The following ASIC2 variants were observed in gnomAD, a reference collection of about 807,000 sequenced individuals.
ASIC2 encodes the protein acid-sensing ion channel 2.
ASIC2 carries 25 observed loss-of-function variants against 57.3 expected under a neutral mutation model. The observed-to-expected ratio is 0.44, with a 90% CI of 0.32 to 0.61. ASIC2 has a LOEUF of 0.61. ASIC2 is among the 20% of genes least tolerant of loss of function. The probability of loss-of-function intolerance (pLI) is 0.06; values close to 1 mark genes in which losing one functional copy is unlikely to be tolerated. For synonymous variants in ASIC2, 319 were observed against 307.5 expected (o/e 1.04, Z -0.39); for missense variants, 641 against 738.1 (o/e 0.87, Z 1.52).
At chr17:34,130,542 T>C (rs1055957093) in intron 1 of ASIC2, among the ~76,000 whole-genome samples, 1 of 152,226 alleles carries the variant, frequency 6.6e-6, no homozygotes, top group South Asian at 2.1e-4. Context: ...AAGAAAGATA[T>C]AGTCCCTGTT....
chr17:33,653,803 A>G (rs1470106799), intron 1 of ASIC2, among the ~76,000 whole-genome samples: 1 of 152,232 alleles, frequency 6.6e-6, no homozygotes, highest in Non-Finnish European at 1.5e-5. Flanking sequence ...ACTTAGTTCT[A>G]CCACTTATGA....
At chr17:33,314,634 G>A (rs913330745) in intron 1 of ASIC2, among the ~76,000 whole-genome samples, 1 of 152,062 alleles carries the variant, frequency 6.6e-6, no homozygotes, top group African/African-American at 2.4e-5. Context: ...TCATTACCAG[G>A]CCTCATAAAA....
intron 1 of ASIC2, among the ~76,000 whole-genome samples, chr17:33,528,660 AG>A (rs1447361131): frequency 6.6e-6 from 1 of 152,178 alleles, no homozygotes; most frequent in Non-Finnish European, 1.5e-5. Context: ...GGAAGAAAAA[AG>A]CAAAAGACAA....
At chr17:33,208,173 G>T (rs1907140125) in intron 1 of ASIC2, among the ~76,000 whole-genome samples, 1 of 152,162 alleles carries the variant, frequency 6.6e-6, no homozygotes, top group East Asian at 1.9e-4. Flanking sequence ...TTTGTTTCAT[G>T]GGGACTGAGG....
At chr17:33,648,283 C>G (rs970688231) in intron 1 of ASIC2, among the ~76,000 whole-genome samples, 5 of 152,170 alleles carry the variant, frequency 3.3e-5, no homozygotes, top group Admixed American at 6.5e-5. Flanking sequence ...CACTTGGTCT[C>G]TCTGAGCAGA....
chr17:33,037,454 C>T (rs2091913812), intron 3 of ASIC2, among the ~76,000 whole-genome samples: 1 of 140,208 alleles, frequency 7.1e-6, no homozygotes, highest in Admixed American at 7.7e-5. Flanking sequence ...CCTGCTGTGG[C>T]TGGTTCATCA....
At chr17:33,571,620 T>C (rs1247294186) in intron 1 of ASIC2, among the ~76,000 whole-genome samples, 2 of 152,178 alleles carry the variant, frequency 1.3e-5, no homozygotes, top group African/African-American at 4.8e-5. Context: ...GCTATGAAGG[T>C]TGTGGACAGC....
At chr17:33,477,048 T>A (rs1416189801) in intron 1 of ASIC2, among the ~76,000 whole-genome samples, 1 of 152,166 alleles carries the variant, frequency 6.6e-6, no homozygotes, top group African/African-American at 2.4e-5. Context: ...ATACTATACA[T>A]CTATCTGTCT....
intron 2 of ASIC2, among the ~76,000 whole-genome samples, chr17:33,106,427 A>G (rs1208951826): frequency 6.6e-6 from 1 of 152,228 alleles, no homozygotes; most frequent in East Asian, 1.9e-4. Context: ...GGATAGAAGG[A>G]GATGTGAAAG....
chr17:33,038,667 T>C (rs1355791737), intron 3 of ASIC2, among the ~76,000 whole-genome samples: 1 of 152,206 alleles, frequency 6.6e-6, no homozygotes, highest in Non-Finnish European at 1.5e-5. Context: ...TGCAGAACTT[T>C]TGTGATTAAA....
intron 1 of ASIC2, among the ~76,000 whole-genome samples, chr17:33,963,306 G>A (rs1904982417): frequency 6.6e-6 from 1 of 152,120 alleles, no homozygotes; most frequent in Admixed American, 6.5e-5. Context: ...CCATTGTCTT[G>A]CCTCCTGAAG....
At chr17:33,547,918 G>A (rs1174480136) in intron 1 of ASIC2, among the ~76,000 whole-genome samples, 1 of 152,208 alleles carries the variant, frequency 6.6e-6, no homozygotes, top group Admixed American at 6.5e-5. Context: ...CCAATTCTGA[G>A]GAAGAGGTCA....
At chr17:33,545,003 C>A (rs1264160272) in intron 1 of ASIC2, among the ~76,000 whole-genome samples, 1 of 152,136 alleles carries the variant, frequency 6.6e-6, no homozygotes, top group African/African-American at 2.4e-5. Context: ...AACTGTCTTA[C>A]TTGACTACAC....
At chr17:33,214,534 G>T (rs1907402362) in intron 1 of ASIC2, among the ~76,000 whole-genome samples, 1 of 152,214 alleles carries the variant, frequency 6.6e-6, no homozygotes, top group African/African-American at 2.4e-5. Context: ...GCTGGTTATT[G>T]TGTCTGGGAA....
At chr17:33,232,046 GA>G (rs367747738) in intron 1 of ASIC2, among the ~76,000 whole-genome samples, 98 of 152,296 alleles carry the variant, frequency 6.4e-4, no homozygotes, top group African/African-American at 1.9e-3. Context: ...GGGATGAACT[GA>G]ATGTTTGCCT....
At chr17:33,874,398 T>C (rs996457735) in intron 1 of ASIC2, among the ~76,000 whole-genome samples, 10 of 152,228 alleles carry the variant, frequency 6.6e-5, no homozygotes, top group African/African-American at 2.4e-4. Context: ...TTGAATGGGG[T>C]ATACTTATAT....
intron 1 of ASIC2, among the ~76,000 whole-genome samples, chr17:33,464,563 TTTTCTCTC>T (rs796279182): frequency 0.027 from 2,415 of 88,170 alleles, 104 homozygotes; most frequent in African/African-American, 0.09. Context: ...TCTTTCTTTC[TTTTCTCTC>T]TTTCTCTCTT....
intron 1 of ASIC2, among the ~76,000 whole-genome samples, chr17:33,218,232 T>C (rs1447233531): frequency 6.6e-6 from 1 of 152,220 alleles, no homozygotes; most frequent in Admixed American, 6.5e-5. Context: ...ATCCCATCCC[T>C]GGGAATCTAG....
At chr17:34,123,353 C>T (rs1911682701) in intron 1 of ASIC2, among the ~76,000 whole-genome samples, 1 of 152,150 alleles carries the variant, frequency 6.6e-6, no homozygotes, top group South Asian at 2.1e-4. Context: ...AGGAAGGCTT[C>T]GGCTCCACTG....
Sources: gnomAD v4.1 joint callset for allele counts (sites outside exome capture counted in the v4.1 genomes callset) on GRCh38, gnomAD v4.1.1 for gene constraint, MANE v1.5 for transcripts, NCBI Gene and HGNC (gene_info 2026-07-23, HGNC 2026-07-21) for gene names.